Variants in TNRC6C observed in about 807,000 individuals in gnomAD.
The protein encoded by TNRC6C is trinucleotide repeat-containing gene 6C protein.
TNRC6C carries 20 observed loss-of-function variants against 153.7 expected under a neutral mutation model. The observed-to-expected ratio is 0.13, with a 90% CI of 0.09 to 0.19. TNRC6C has a LOEUF of 0.19. Among genes scored for constraint, TNRC6C ranks in the 10% least tolerant of loss-of-function variants. The pLI, the probability that TNRC6C is intolerant of heterozygous loss-of-function variation, is 1.00. For synonymous variants in TNRC6C, 811 were observed against 841.4 expected, an observed-to-expected ratio of 0.96 and a Z score of 0.63; for missense variants, 1,987 against 2,172.0, an observed-to-expected ratio of 0.91 and a Z score of 1.69.
intron 1 of TNRC6C, among the ~76,000 whole-genome samples, chr17:77,969,429 T>C (rs2070923802): frequency 6.6e-6 from 1 of 152,026 alleles, no homozygotes; most frequent in Non-Finnish European, 1.5e-5. Flanking sequence ...TTTGTATTTT[T>C]AGTAGAGACG....
intron 1 of TNRC6C, among the ~76,000 whole-genome samples, chr17:77,987,000 G>C (rs1031923927): frequency 2.0e-5 from 3 of 152,158 alleles, no homozygotes; most frequent in Non-Finnish European, 4.4e-5. Flanking sequence ...ACAAATACAA[G>C]TAAAATCTCA....
chr17:78,065,837 C>T (rs2072865289), intron 4 of TNRC6C, among the ~76,000 whole-genome samples: 1 of 152,106 alleles, frequency 6.6e-6, no homozygotes, highest in Non-Finnish European at 1.5e-5. Flanking sequence ...TATAAATGTC[C>T]AGATTATGTA....
chr17:78,064,755 A>G (rs868389837), exon 4 of TNRC6C: 2 of 1,613,554 alleles, frequency 1.2e-6, no homozygotes, highest in Admixed American at 1.7e-5. Flanking sequence ...CCTAATGTTC[A>G]CTCAAAGACT....
intron 6 of TNRC6C, among the ~76,000 whole-genome samples, 184 bp from the exon 9 acceptor site, chr17:78,072,853 A>G (rs527830451): frequency 5.9e-5 from 9 of 152,250 alleles, no homozygotes; most frequent in Non-Finnish European, 8.8e-5. Flanking sequence ...TCAAGTCAGT[A>G]CATTTTCTTA....
At chr17:78,025,171 A>G (rs2071916397) in intron 1 of TNRC6C, among the ~76,000 whole-genome samples, 1 of 152,172 alleles carries the variant, frequency 6.6e-6, no homozygotes, top group African/African-American at 2.4e-5. Context: ...TTTGACATGC[A>G]CAGTATTGTG....
chr17:77,962,516 A>G (rs904104693), intron 1 of TNRC6C, among the ~76,000 whole-genome samples: 2 of 152,216 alleles, frequency 1.3e-5, no homozygotes, highest in Admixed American at 6.5e-5. Flanking sequence ...GCTGGTGGAG[A>G]AGGCACAAGA....
At chr17:77,989,463 C>G (rs1475663287) in intron 1 of TNRC6C, among the ~76,000 whole-genome samples, 6 of 152,188 alleles carry the variant, frequency 3.9e-5, no homozygotes, top group African/African-American at 1.4e-4. Context: ...TGTACTTTGT[C>G]TGGGACTTGC....
intron 1 of TNRC6C, among the ~76,000 whole-genome samples, chr17:77,962,294 A>G (rs553951174): frequency 3.3e-5 from 5 of 152,316 alleles, no homozygotes; most frequent in East Asian, 3.9e-4. Context: ...GCCTTCCCCA[A>G]TAGGAATTGG....
At chr17:77,964,688 G>A (rs922799310) in intron 1 of TNRC6C, among the ~76,000 whole-genome samples, 2 of 152,322 alleles carry the variant, frequency 1.3e-5, no homozygotes, top group African/African-American at 4.8e-5. Flanking sequence ...GGCAACGCGG[G>A]CACAGGTGTC....
intron 1 of TNRC6C, among the ~76,000 whole-genome samples, chr17:77,963,117 T>TA (rs1190061848): frequency 6.6e-6 from 1 of 152,254 alleles, no homozygotes; most frequent in Non-Finnish European, 1.5e-5. Context: ...TTTCTTTAAA[T>TA]AGACTTTAAT....
At chr17:78,008,208 A>G (rs1233917153) in intron 1 of TNRC6C, among the ~76,000 whole-genome samples, 3 of 152,212 alleles carry the variant, frequency 2.0e-5, no homozygotes, top group Non-Finnish European at 4.4e-5. Flanking sequence ...TGTTTTTTGA[A>G]TAACTTAATA....
At chr17:77,998,100 C>T (rs1268582269) in intron 1 of TNRC6C, among the ~76,000 whole-genome samples, 12 of 152,214 alleles carry the variant, frequency 7.9e-5, no homozygotes, top group East Asian at 7.7e-4. Context: ...ACCATCATCA[C>T]GTGAAGATGC....
intron 1 of TNRC6C, among the ~76,000 whole-genome samples, chr17:77,997,858 G>A (rs1302628134): frequency 6.6e-6 from 1 of 151,810 alleles, no homozygotes; most frequent in Non-Finnish European, 1.5e-5. Flanking sequence ...GTTTCACCGT[G>A]TTAGCCAGGA....
intron 5 of TNRC6C, among the ~76,000 whole-genome samples, chr17:78,068,909 A>G (rs1287560233): frequency 1.3e-5 from 2 of 152,204 alleles, no homozygotes; most frequent in Non-Finnish European, 2.9e-5. Context: ...ATGACTGCCC[A>G]ATTCAGTCCA....
In TNRC6C at chr17:78,104,758, C is replaced by T. The variant is rs1378992248; in HGVS notation, c.4986C>T (p.Pro1662=). 3 of 1,490,810 alleles carry T rather than the reference C, an allele frequency of 2.0e-6. No individual in the cohort carries two copies. The African/African-American group carries it at 4.2e-5, about 21-fold the overall frequency. The allele number at this position is 1,490,810 out of a possible 1,614,324, so 92.3% of individuals were successfully genotyped here. Residue 1662 remains proline, a synonymous_variant, in exon 20 of 20, where the codon CCC becomes CCT. Transcript: ENST00000301624. The surrounding 1 kb of genome is among the most constrained non-coding windows in gnomAD (Gnocchi z 6.2). ...ACTCCAGCAGCCTGTGGGGCCCGCCCAGCGCCGACGACAGCAGGGTGATAG... is the reference window on the plus strand; with the variant it reads ...ACTCCAGCAGCCTGTGGGGCCCGCCTAGCGCCGACGACAGCAGGGTGATAG...
chr17:78,001,026 C>T (rs1379396080), upstream of TNRC6C, among the ~76,000 whole-genome samples: 1 of 152,094 alleles, frequency 6.6e-6, no homozygotes, highest in East Asian at 1.9e-4. Flanking sequence ...CTAGGAACAC[C>T]GAAATGATAC....
chr17:77,965,359 CT>C (rs1461460932), intron 1 of TNRC6C, among the ~76,000 whole-genome samples: 2 of 152,204 alleles, frequency 1.3e-5, no homozygotes, highest in Non-Finnish European at 2.9e-5. Context: ...TGTGTATGAT[CT>C]CATTCATTTC....
chr17:78,004,121 G>T, upstream of TNRC6C: 1 of 1,230,860 alleles, frequency 8.1e-7, no homozygotes, highest in Non-Finnish European at 1.0e-6. Context: ...TTCATTGTTT[G>T]ACTTAACATG....
rs1169804764 is a variant in TNRC6C, at chr17:78,025,026, G to GT, written c.-545-6490_-545-6489insT. On this transcript the variant is annotated intron_variant, in intron 1 of 19. Coordinates refer to ENST00000301624, the Ensembl canonical transcript of TNRC6C. ...CCAGTGTGATCTCAAACTCCTGACA[G>GT]GTGATCCACCCACCGCAGCCTCCCG... Among the ~76,000 whole-genome samples, 3 of 150,742 alleles carry GT rather than the reference G, an allele frequency of 2.0e-5. No individual in the cohort carries two copies. In the East Asian group the frequency reaches 6.0e-4, roughly 30 times the overall value.
Sources: gnomAD v4.1 joint callset for allele counts (sites outside exome capture counted in the v4.1 genomes callset) on GRCh38, gnomAD v4.1.1 for gene constraint, Gnocchi (gnomAD v3.1) non-coding constraint, MANE v1.5 for transcripts, NCBI Gene and HGNC (gene_info 2026-07-23, HGNC 2026-07-21) for gene names.